The following NAV3 variants were observed in gnomAD, a reference collection of about 807,000 sequenced individuals.
NAV3 encodes pore membrane and/or filament interacting like protein 1.
A neutral mutation model predicts 244.7 loss-of-function variants in NAV3; 87 were observed. That is an observed-to-expected ratio of 0.36 (90% CI 0.30 to 0.42). The LOEUF (loss-of-function observed/expected upper bound fraction) is 0.42. NAV3 is among the 20% of genes least tolerant of loss of function. NAV3 has a pLI of 1.00. For missense variants in NAV3, 2,663 were observed against 2,893.3 expected, an observed-to-expected ratio of 0.92 and a Z score of 1.83; for synonymous variants, 1,126 against 1,042.2, an observed-to-expected ratio of 1.08 and a Z score of -1.55.
At chr12:77,740,314 G>C (rs1220079217) in intron 2 of NAV3, among the ~76,000 whole-genome samples, 1 of 152,036 alleles carries the variant, frequency 6.6e-6, no homozygotes, top group Non-Finnish European at 1.5e-5. Context: ...AACTGGTATG[G>C]AGTATCAGAA....
rs370153346 is a variant in NAV3, at chr12:77,813,210, G to T, written c.73-127109G>T. Reference sequence around the variant, plus strand: ...GTTTACATACAAGCAAGGAACCTATGTGTAGGGGACACAATGTGATTTTCT... The same window carrying T: ...GTTTACATACAAGCAAGGAACCTATTTGTAGGGGACACAATGTGATTTTCT... On this transcript the variant is annotated intron_variant, in intron 2 of 8. Coordinates refer to the NAV3 transcript ENST00000550042. Among the ~76,000 whole-genome samples, 8 of 152,268 alleles carry T rather than the reference G, an allele frequency of 5.3e-5. No individual in the cohort carries two copies. In the East Asian group the frequency reaches 1.2e-3, roughly 22 times the overall value.
intron 2 of NAV3, among the ~76,000 whole-genome samples, chr12:77,690,154 A>G (rs1168744105): frequency 6.6e-6 from 1 of 151,836 alleles, no homozygotes; most frequent in African/African-American, 2.4e-5. Context: ...GCAGATTTTC[A>G]GTTCATGTTC....
chr12:77,934,659 T>G (rs1425935855), intron 1 of NAV3, among the ~76,000 whole-genome samples: 1 of 152,200 alleles, frequency 6.6e-6, no homozygotes, highest in East Asian at 1.9e-4. Context: ...TTTTGCTGCT[T>G]TTTAAGATGT....
intron 12 of NAV3, among the ~76,000 whole-genome samples, chr12:78,069,092 T>C (rs182181307): frequency 2.0e-5 from 3 of 152,138 alleles, no homozygotes; most frequent in East Asian, 3.9e-4. Flanking sequence ...TCCGGCTGCA[T>C]AGAGTGGGTG....
chr12:78,029,254 T>G (rs1187945745), intron 9 of NAV3, among the ~76,000 whole-genome samples: 1 of 152,026 alleles, frequency 6.6e-6, no homozygotes, highest in African/African-American at 2.4e-5. Context: ...ATTTTTAACA[T>G]TGATAATGAG....
rs376077865 is a variant in NAV3, at chr12:78,118,308, C to T, written c.3040+11C>T. ...CACTCAAAACACCCGGTAGGCTTGT[C>T]GTTTGCCAGCTGTTATGCAAAAGTG... is the stretch of plus-strand genomic sequence containing the variant. On this transcript the variant is annotated intron_variant, in intron 14 of 39. Transcript: ENST00000397909. The T allele has an allele frequency of 1.3e-6, 2 of 1,579,610 alleles. No individual in the cohort carries two copies. Among genetic ancestry groups the T allele is most frequent in the Admixed American group, 1.9e-5 (1 of 53,794 alleles).
chr12:77,998,319 T>G lies in NAV3; in HGVS notation c.741-18T>G. 1 of 1,538,190 alleles carries G rather than the reference T, an allele frequency of 6.5e-7. No homozygotes were observed. The highest frequency in any genetic ancestry group is 8.7e-7 in the Non-Finnish European group (1 of 1,148,816). On this transcript the variant is annotated intron_variant, in intron 6 of 39. Coordinates refer to ENST00000397909, the MANE Select transcript of NAV3 (RefSeq NM_001024383.2). ...TGTAATGTACAATAATGATGTAATT[T>G]TTCTTATACTATTTCAGGCTTCCAG...
chr12:77,648,111 T>C (rs1872677730), intron 2 of NAV3, among the ~76,000 whole-genome samples: 1 of 152,080 alleles, frequency 6.6e-6, no homozygotes. Flanking sequence ...ATTTGGAAAG[T>C]CATGCAAAAT....
chr12:78,094,969 C>A (rs959045652), intron 12 of NAV3, among the ~76,000 whole-genome samples: 13 of 151,302 alleles, frequency 8.6e-5, no homozygotes, highest in African/African-American at 3.2e-4. Context: ...ATCGCTTGAA[C>A]CCAGGAGGCG....
intron 1 of NAV3, among the ~76,000 whole-genome samples, chr12:77,907,986 A>G (rs1886174409): frequency 6.6e-6 from 1 of 152,102 alleles, no homozygotes; most frequent in Middle Eastern, 3.2e-3. Context: ...ATTAAACACA[A>G]AGTGATTGCC....
At chr12:77,851,548 TA>T (rs34321127) in intron 1 of NAV3, among the ~76,000 whole-genome samples, 117,200 of 152,000 alleles carry the variant, frequency 0.77, 47,294 homozygotes, top group East Asian at 1. Context: ...TCAATAATAT[TA>T]AGCAATCAAT....
intron 2 of NAV3, among the ~76,000 whole-genome samples, chr12:77,731,132 A>G (rs980276655): frequency 7.2e-5 from 11 of 152,168 alleles, no homozygotes; most frequent in Admixed American, 3.9e-4. Context: ...AGATTCAGAA[A>G]TTGGAGGATT....
intron 2 of NAV3, among the ~76,000 whole-genome samples, chr12:77,733,788 C>T (rs1877219176): frequency 6.6e-6 from 1 of 150,416 alleles, no homozygotes; most frequent in Non-Finnish European, 1.5e-5. Context: ...ACTAATAGGC[C>T]ACTCAACTGT....
chr12:78,135,142 G>T (rs988199551), intron 18 of NAV3, among the ~76,000 whole-genome samples: 1 of 152,096 alleles, frequency 6.6e-6, no homozygotes, highest in Non-Finnish European at 1.5e-5. Flanking sequence ...AATTATCTTT[G>T]TATGTCTTAC....
At chr12:77,692,530 A>G (rs117461573) in intron 2 of NAV3, among the ~76,000 whole-genome samples, 1 of 152,218 alleles carries the variant, frequency 6.6e-6, no homozygotes, top group African/African-American at 2.4e-5. Flanking sequence ...GGTATGATAC[A>G]GTAAACCTCG....
chr12:77,654,053 T>C (rs976648363), intron 2 of NAV3, among the ~76,000 whole-genome samples: 1 of 152,208 alleles, frequency 6.6e-6, no homozygotes, highest in Non-Finnish European at 1.5e-5. Flanking sequence ...TTTCTGCATT[T>C]CCATCTGAGG....
At chr12:77,669,349 C>A (rs2137068520) in intron 2 of NAV3, among the ~76,000 whole-genome samples, 1 of 152,230 alleles carries the variant, frequency 6.6e-6, no homozygotes, top group East Asian at 1.9e-4. Context: ...TACCTCACAT[C>A]TCCATACTAA....
At chr12:77,607,127 A>G (rs1022536312) in intron 2 of NAV3, among the ~76,000 whole-genome samples, 2 of 152,132 alleles carry the variant, frequency 1.3e-5, no homozygotes, top group Non-Finnish European at 2.9e-5. Context: ...GACGTCTGAA[A>G]AATACTGCCC....
At chr12:77,603,751 T>C (rs1870544712) in intron 2 of NAV3, among the ~76,000 whole-genome samples, 1 of 152,200 alleles carries the variant, frequency 6.6e-6, no homozygotes, top group Middle Eastern at 3.4e-3. Context: ...AATTATATTC[T>C]TCCTCCTTCT....
Sources: allele counts gnomAD v4.1 joint callset (sites outside exome capture counted in the v4.1 genomes callset), GRCh38; gene constraint gnomAD v4.1.1; transcripts MANE v1.5; gene names NCBI Gene and HGNC (gene_info 2026-07-23, HGNC 2026-07-21).